The following NSMAF variants were observed in gnomAD, a reference collection of about 807,000 sequenced individuals.
NSMAF encodes protein FAN.
Under a neutral mutation model 134.9 loss-of-function variants are expected in NSMAF, and 90 were observed. The observed-to-expected ratio is 0.67, with a 90% CI of 0.56 to 0.79. The LOEUF (loss-of-function observed/expected upper bound fraction) is 0.79. NSMAF is among the 30% of genes least tolerant of loss of function. The probability of loss-of-function intolerance (pLI) is 0.00; values close to 1 mark genes in which losing one functional copy is unlikely to be tolerated. For missense variants in NSMAF, 1,010 were observed against 1,119.0 expected (o/e 0.90, Z 1.39); for synonymous variants, 358 against 389.6 (o/e 0.92, Z 0.96).
intron 16 of NSMAF, chr8:58,601,031 T>C (rs1054613527): frequency 1.2e-5 from 4 of 320,942 alleles, no homozygotes; most frequent in African/African-American, 8.6e-5. Flanking sequence ...GAAGAATATC[T>C]AATAATATGG....
At chr8:58,606,076 T>C in intron 11 of NSMAF, 41 bp from the exon 12 acceptor site, 1 of 1,477,270 alleles carries the variant, frequency 6.8e-7, no homozygotes, top group Non-Finnish European at 9.1e-7. Context: ...AATAGCATTG[T>C]ATTCATCTTG....
chr8:58,594,103 G>A (rs1806078430), intron 23 of NSMAF, 129 bp downstream of exon 23: 4 of 705,806 alleles, frequency 5.7e-6, no homozygotes, highest in Non-Finnish European at 9.9e-6. Context: ...TACCACAAAG[G>A]AACTGCTCTA....
At position 58,609,743 on chromosome 8, in the gene NSMAF, G is replaced by A. The variant is rs755492389; in HGVS notation, c.558-10C>T. On this transcript the variant is annotated splice_polypyrimidine_tract_variant and intron_variant, in intron 9 of 30. Transcript: ENST00000038176. ...AGAAATGTTTTGGAACCTGAAAATAGGTTTTTCAGCAAAAGTAAGAAAAAT... is the reference window on the plus strand; with the variant it reads ...AGAAATGTTTTGGAACCTGAAAATAAGTTTTTCAGCAAAAGTAAGAAAAAT... 4.3e-6 allele frequency: 7 copies of A among 1,613,366 alleles called. No homozygotes were observed. The highest frequency in any genetic ancestry group is 5.1e-6 in the Non-Finnish European group (6 of 1,179,772).
chr8:58,659,697 C>G lies in NSMAF; in HGVS notation c.-66G>C, dbSNP rs989738864. The G allele has an allele frequency of 2.4e-6, 3 of 1,274,672 alleles. No homozygotes were observed. The highest frequency in any genetic ancestry group is 3.1e-5 in the African/African-American group (2 of 63,670). The allele number at this position is 1,274,672 out of a possible 1,614,324, so 79.0% of individuals were successfully genotyped here. A position where few individuals can be genotyped will look rare whatever the true frequency, so the allele number is the denominator to read the frequency against. ...CCCGCCGCCGCCTGCCGAGGAGGTC[C>G]GGAGGAGCCGGGGAGGGCGGGATTG... is the stretch of plus-strand genomic sequence containing the variant. On this transcript the variant is annotated 5_prime_UTR_variant, in exon 1 of 31. Coordinates refer to ENST00000038176, the MANE Select transcript of NSMAF (RefSeq NM_003580.4).
chr8:58,633,568 A>G (rs1387165801), intron 5 of NSMAF, among the ~76,000 whole-genome samples: 1 of 152,220 alleles, frequency 6.6e-6, no homozygotes, highest in Non-Finnish European at 1.5e-5. Flanking sequence ...ACTGAAAAGT[A>G]AAGTCCATGG....
At chr8:58,591,018 T>G in intron 23 of NSMAF, 84 bp from the exon 24 acceptor site, 1 of 1,449,816 alleles carries the variant, frequency 6.9e-7, no homozygotes, top group Non-Finnish European at 9.3e-7. Context: ...TTCTTGTTCC[T>G]GGTGGCCAAC....
chr8:58,588,898 T>G, intron 26 of NSMAF: 1 of 649,488 alleles, frequency 1.5e-6, no homozygotes, highest in East Asian at 2.7e-5. Context: ...GAATGAATGC[T>G]AGACCATTCA....
chr8:58,595,754 T>C (rs1011436997), intron 21 of NSMAF, 95 bp from the exon 22 acceptor site: 2 of 769,146 alleles, frequency 2.6e-6, no homozygotes, highest in East Asian at 2.6e-5. Flanking sequence ...ATCAAACAAC[T>C]AAGAAATGAA....
intron 7 of NSMAF, 58 bp downstream of exon 7, chr8:58,623,651 T>C: frequency 6.9e-7 from 1 of 1,459,088 alleles, no homozygotes; most frequent in East Asian, 2.3e-5. Context: ...AATACGAAAT[T>C]TATAAAAACA....
At chr8:58,630,553 A>G (rs2129145439) in intron 6 of NSMAF, among the ~76,000 whole-genome samples, 1 of 152,208 alleles carries the variant, frequency 6.6e-6, no homozygotes, top group Admixed American at 6.5e-5. Context: ...GCTTTTGTCA[A>G]TGTGTGGAGG....
chr8:58,587,393 T>C (rs1340695725), intron 27 of NSMAF, among the ~76,000 whole-genome samples: 2 of 152,146 alleles, frequency 1.3e-5, no homozygotes, highest in African/African-American at 4.8e-5. Context: ...GGTAGCTAAT[T>C]CTCAGGGAAA....
intron 16 of NSMAF, 123 bp downstream of exon 16, chr8:58,601,162 G>T: frequency 1.2e-6 from 1 of 808,158 alleles, no homozygotes; most frequent in Non-Finnish European, 2.0e-6. Context: ...GGAATAGATA[G>T]AACAATTAGT....
chr8:58,624,573 T>G (rs1037152147), intron 6 of NSMAF, among the ~76,000 whole-genome samples: 5 of 152,162 alleles, frequency 3.3e-5, no homozygotes, highest in Admixed American at 6.5e-5. Context: ...CCTTCTGATG[T>G]TGATTTCTAG....
At chr8:58,588,986 A>T (rs1585724157) in intron 26 of NSMAF, among the ~76,000 whole-genome samples, 1 of 151,806 alleles carries the variant, frequency 6.6e-6, no homozygotes, top group Middle Eastern at 3.2e-3. Context: ...CCACTACTGC[A>T]CTCTAGCCCC....
chr8:58,641,065 G>C (rs1807324293), intron 2 of NSMAF, among the ~76,000 whole-genome samples: 1 of 151,824 alleles, frequency 6.6e-6, no homozygotes, highest in South Asian at 2.1e-4. Flanking sequence ...GGGATTACAA[G>C]GGTGCACCAC....
intron 23 of NSMAF, 150 bp downstream of exon 23, chr8:58,594,080 ACT>A (rs1222053295): frequency 1.6e-6 from 1 of 620,314 alleles, no homozygotes; most frequent in Non-Finnish European, 2.9e-6. Context: ...TTACCATGAA[ACT>A]CTATGTAATG....
intron 26 of NSMAF, 111 bp from the exon 27 acceptor site, chr8:58,587,812 ATAAAG>A: frequency 3.4e-6 from 3 of 892,170 alleles, no homozygotes; most frequent in Non-Finnish European, 5.3e-6. Context: ...AGACTTGCCA[ATAAAG>A]TTAAGCTGCA....
chr8:58,592,494 G>A (rs1660620563), intron 23 of NSMAF, among the ~76,000 whole-genome samples: 1 of 152,112 alleles, frequency 6.6e-6, no homozygotes, highest in Admixed American at 6.5e-5. Context: ...ATGTAATTTT[G>A]GGGTGACCAT....
intron 2 of NSMAF, among the ~76,000 whole-genome samples, chr8:58,638,815 T>C (rs984202081): frequency 1.3e-5 from 2 of 152,064 alleles, no homozygotes; most frequent in African/African-American, 2.4e-5. Flanking sequence ...AGAAAAATAA[T>C]TAACAAAGTC....
Sources: allele counts gnomAD v4.1 joint callset (sites outside exome capture counted in the v4.1 genomes callset), GRCh38; gene constraint gnomAD v4.1.1; transcripts MANE v1.5; gene names NCBI Gene and HGNC (gene_info 2026-07-23, HGNC 2026-07-21).